Variants in EXT1 observed in about 807,000 individuals in gnomAD.
EXT1 encodes the protein exostosin glycosyltransferase 1.
In EXT1, 20 loss-of-function variants were observed where a neutral mutation model predicts 82.5. The observed-to-expected ratio is 0.24, with a 90% CI of 0.17 to 0.35. The LOEUF is 0.35. Among genes scored for constraint, EXT1 ranks in the 10% least tolerant of loss-of-function variants. EXT1 has a pLI of 1.00. For synonymous variants in EXT1, 348 were observed against 350.8 expected (o/e 0.99, Z 0.09); for missense variants, 757 against 936.5 (o/e 0.81, Z 2.50).
intron 1 of EXT1, among the ~76,000 whole-genome samples, chr8:117,853,775 A>C (rs1273042595): frequency 6.6e-6 from 1 of 152,218 alleles, no homozygotes; most frequent in Non-Finnish European, 1.5e-5. Context: ...GAGTCTCTAA[A>C]TAATCACATT....
At chr8:117,897,443 T>C (rs1563594472) in intron 1 of EXT1, among the ~76,000 whole-genome samples, 1 of 152,152 alleles carries the variant, frequency 6.6e-6, no homozygotes, top group Admixed American at 6.5e-5. Flanking sequence ...GCACTGTTCC[T>C]GCTTTATTTC....
At chr8:118,079,668 C>G (rs1305306556) in intron 1 of EXT1, among the ~76,000 whole-genome samples, 6 of 149,240 alleles carry the variant, frequency 4.0e-5, no homozygotes, top group Non-Finnish European at 7.4e-5. Context: ...CCCACCCCCA[C>G]CCCACCCACT....
intron 1 of EXT1, among the ~76,000 whole-genome samples, chr8:117,859,457 T>C (rs558127172): frequency 3.3e-5 from 5 of 152,154 alleles, no homozygotes; most frequent in Non-Finnish European, 7.4e-5. Context: ...CTGGAAAGTG[T>C]GGTATGGGTA....
intron 10 of EXT1, among the ~76,000 whole-genome samples, chr8:117,803,260 T>C (rs748348585): frequency 1.3e-5 from 2 of 152,120 alleles, no homozygotes; most frequent in Non-Finnish European, 2.9e-5. Flanking sequence ...AGTGGCATGA[T>C]CTCAACCCAC....
At chr8:117,850,327 C>G (rs951673095) in intron 1 of EXT1, among the ~76,000 whole-genome samples, 2 of 152,174 alleles carry the variant, frequency 1.3e-5, no homozygotes, top group African/African-American at 4.8e-5. Context: ...CGATTGCAGT[C>G]TCTTTGGAAG....
intron 1 of EXT1, among the ~76,000 whole-genome samples, chr8:117,876,825 G>C (rs1003795515): frequency 6.6e-6 from 1 of 152,266 alleles, no homozygotes; most frequent in South Asian, 2.1e-4. Context: ...ACGGAAGCGC[G>C]TATTAAGTCG....
At chr8:117,833,704 C>G (rs976889479) in intron 3 of EXT1, among the ~76,000 whole-genome samples, 2 of 151,906 alleles carry the variant, frequency 1.3e-5, no homozygotes, top group Non-Finnish European at 2.9e-5. Context: ...TTGTTCACAT[C>G]AAATTCATGG....
At chr8:117,813,450 G>A (rs1259660172) in intron 7 of EXT1, among the ~76,000 whole-genome samples, 1 of 152,062 alleles carries the variant, frequency 6.6e-6, no homozygotes, top group Non-Finnish European at 1.5e-5. Context: ...GCACTGAGCA[G>A]AGAACCTGCA....
At chr8:117,973,716 C>T (rs1384228844) in intron 1 of EXT1, among the ~76,000 whole-genome samples, 5 of 151,030 alleles carry the variant, frequency 3.3e-5, no homozygotes, top group Non-Finnish European at 5.9e-5. Flanking sequence ...TGCACTAAGC[C>T]GTAATCACGC....
intron 7 of EXT1, among the ~76,000 whole-genome samples, chr8:117,814,914 G>A (rs1002817746): frequency 5.9e-5 from 9 of 152,128 alleles, no homozygotes; most frequent in Non-Finnish European, 1.3e-4. Context: ...GAGCACCTAG[G>A]ACTTTAATGC....
At chr8:118,049,053 C>G (rs982427904) in intron 1 of EXT1, among the ~76,000 whole-genome samples, 1 of 152,114 alleles carries the variant, frequency 6.6e-6, no homozygotes, top group African/African-American at 2.4e-5. Flanking sequence ...AATGACACTC[C>G]CACATCCATT....
intron 9 of EXT1, 117 bp downstream of exon 9, chr8:117,807,100 G>T: frequency 8.0e-7 from 1 of 1,245,640 alleles, no homozygotes; most frequent in Non-Finnish European, 1.2e-6. Flanking sequence ...CTTAAGCGGG[G>T]ATACAGACTA....
At chr8:118,015,337 A>ATCC (rs1815981420) in intron 1 of EXT1, among the ~76,000 whole-genome samples, 1 of 152,170 alleles carries the variant, frequency 6.6e-6, no homozygotes, top group Non-Finnish European at 1.5e-5. Flanking sequence ...TTCTTTTACC[A>ATCC]ATAGGTATCA....
chr8:118,062,621 A>T (rs1404249684), intron 1 of EXT1, among the ~76,000 whole-genome samples: 1 of 152,186 alleles, frequency 6.6e-6, no homozygotes, highest in African/African-American at 2.4e-5. Context: ...ATTCACAAGG[A>T]ACAGTAGTGG....
intron 1 of EXT1, among the ~76,000 whole-genome samples, chr8:117,904,018 G>A (rs1369215736): frequency 6.6e-6 from 1 of 152,164 alleles, no homozygotes; most frequent in Non-Finnish European, 1.5e-5. Flanking sequence ...CTTAAAATTT[G>A]TTCTTTAATT....
intron 1 of EXT1, among the ~76,000 whole-genome samples, chr8:117,908,213 C>A (rs1292781764): frequency 6.6e-6 from 1 of 152,150 alleles, no homozygotes; most frequent in Non-Finnish European, 1.5e-5. Context: ...GATATATGTT[C>A]CCTCAAAAGA....
chr8:118,002,871 A>G, intron 1 of EXT1, among the ~76,000 whole-genome samples: 1 of 152,122 alleles, frequency 6.6e-6, no homozygotes, highest in East Asian at 1.9e-4. Context: ...TGATCCAGCA[A>G]TCCCACTCCT....
chr8:117,917,693 G>A (rs1052483029), intron 1 of EXT1, among the ~76,000 whole-genome samples: 1 of 152,132 alleles, frequency 6.6e-6, no homozygotes, highest in African/African-American at 2.4e-5. Flanking sequence ...TGCCTTTTCT[G>A]TCTGTCAGTA....
intron 1 of EXT1, among the ~76,000 whole-genome samples, chr8:118,073,669 GAAGAGAAGA>G (rs1817146726): frequency 6.7e-6 from 1 of 148,752 alleles, no homozygotes; most frequent in African/African-American, 2.6e-5. Context: ...GAAGAGAAGA[GAAGAGAAGA>G]GAAGAGAAGA....
Sources: allele counts gnomAD v4.1 joint callset (sites outside exome capture counted in the v4.1 genomes callset), GRCh38; gene constraint gnomAD v4.1.1; transcripts MANE v1.5; gene names NCBI Gene and HGNC (gene_info 2026-07-23, HGNC 2026-07-21).